The following LRBA variants were observed in gnomAD, a reference collection of about 807,000 sequenced individuals.
LRBA encodes LPS responsive beige-like anchor protein.
LRBA carries 176 observed loss-of-function variants against 330.0 expected under a neutral mutation model. That is an observed-to-expected ratio of 0.53 (90% CI 0.47 to 0.60). The LOEUF is 0.60. LRBA is among the 20% of genes least tolerant of loss of function. LRBA has a pLI of 0.00. For missense variants in LRBA, 3,259 were observed against 3,444.8 expected, an observed-to-expected ratio of 0.95 and a Z score of 1.35; for synonymous variants, 1,230 against 1,193.0, an observed-to-expected ratio of 1.03 and a Z score of -0.64.
intron 36 of LRBA, among the ~76,000 whole-genome samples, chr4:150,709,434 T>C (rs1439718091): frequency 1.3e-5 from 2 of 151,922 alleles, no homozygotes; most frequent in South Asian, 2.1e-4. Context: ...TTGCAGTAAT[T>C]TGAGACGCTA....
Position 150,583,142 on chromosome 4 carries a change from T to C in LRBA, c.6330+4906A>G. On this transcript the variant is annotated intron_variant, in intron 40 of 56. Transcript: ENST00000651943. The surrounding 1 kb of genome is among the most constrained non-coding windows in gnomAD (Gnocchi z 9.8). The stretch of plus-strand genomic sequence containing the variant: ...ACCATCCGAGAGGTCTGTAAGGTGG[T>C]CTCGGACGTGCTCAAGGAAGTGGAG... 1 of 1,614,166 alleles carries C rather than the reference T, an allele frequency of 6.2e-7. No homozygotes were observed. The highest frequency in any genetic ancestry group is 2.2e-5 in the East Asian group (1 of 44,870).
chr4:150,959,111 G>T (rs1241348555), intron 2 of LRBA, among the ~76,000 whole-genome samples: 1 of 149,368 alleles, frequency 6.7e-6, no homozygotes, highest in Admixed American at 6.6e-5. Context: ...ATTTACAAAG[G>T]CAAGAGGATT....
At chr4:150,496,814 C>G (rs1248304703) in intron 40 of LRBA, among the ~76,000 whole-genome samples, 1 of 151,896 alleles carries the variant, frequency 6.6e-6, no homozygotes, top group Non-Finnish European at 1.5e-5. Flanking sequence ...ACAACAGAAC[C>G]ATCTCCAAAC....
At chr4:150,429,084 T>C (rs1038211473) in intron 46 of LRBA, among the ~76,000 whole-genome samples, 3 of 152,008 alleles carry the variant, frequency 2.0e-5, no homozygotes, top group African/African-American at 7.2e-5. Flanking sequence ...GGATATGACA[T>C]AATAAACAAA....
At chr4:150,846,593 C>T (rs1157707198) in intron 26 of LRBA, among the ~76,000 whole-genome samples, 3 of 151,428 alleles carry the variant, frequency 2.0e-5, no homozygotes, top group Admixed American at 1.3e-4. Context: ...TGAGGGGGGT[C>T]TGATGATGAG....
chr4:150,295,984 G>A (rs1191160524), intron 53 of LRBA, among the ~76,000 whole-genome samples: 1 of 152,096 alleles, frequency 6.6e-6, no homozygotes, highest in Non-Finnish European at 1.5e-5. Flanking sequence ...CATAAACATG[G>A]TAAAATTCTA....
intron 56 of LRBA, among the ~76,000 whole-genome samples, chr4:150,266,487 T>TA (rs1745356141): frequency 6.6e-6 from 1 of 151,710 alleles, no homozygotes; most frequent in Non-Finnish European, 1.5e-5. Flanking sequence ...AGAACATAGG[T>TA]GAACCTAAAC....
At chr4:150,716,049 CGTGTGGTGGTTAAGATTTAAGAA>C (rs1728160821) in intron 36 of LRBA, among the ~76,000 whole-genome samples, 1 of 152,102 alleles carries the variant, frequency 6.6e-6, no homozygotes, top group South Asian at 2.1e-4. Context: ...AAACAAACAT[CGTGTGGTGGTTAAGATTTAAGAA>C]GTGGAACCAG....
At chr4:150,595,222 T>C (rs1773355366) in intron 38 of LRBA, among the ~76,000 whole-genome samples, 1 of 60,636 alleles carries the variant, frequency 1.6e-5, no homozygotes, top group Non-Finnish European at 9.0e-5. Flanking sequence ...TCAAGAAAAC[T>C]GACTCTGTAA....
intron 34 of LRBA, among the ~76,000 whole-genome samples, chr4:150,787,189 C>CA (rs1239059409): frequency 6.7e-6 from 1 of 150,126 alleles, no homozygotes; most frequent in African/African-American, 2.5e-5. Flanking sequence ...CACTGCACTC[C>CA]AGCGTGGGTG....
At chr4:150,282,990 G>T (rs961505899) in intron 54 of LRBA, among the ~76,000 whole-genome samples, 9 of 152,142 alleles carry the variant, frequency 5.9e-5, no homozygotes, top group Non-Finnish European at 1.0e-4. Flanking sequence ...ACAGCTTCAA[G>T]GAGGCTGGGA....
At chr4:150,660,505 C>A (rs1247762037) in intron 37 of LRBA, among the ~76,000 whole-genome samples, 1 of 151,564 alleles carries the variant, frequency 6.6e-6, no homozygotes, top group African/African-American at 2.4e-5. Context: ...CCCCGCCCGG[C>A]CAGCCGCCCT....
At chr4:150,968,303 G>A (rs755897195) in intron 2 of LRBA, among the ~76,000 whole-genome samples, 19 of 152,068 alleles carry the variant, frequency 1.2e-4, no homozygotes, top group Non-Finnish European at 2.6e-4. Flanking sequence ...GTGCCCGGCC[G>A]CACATCTCTC....
intron 31 of LRBA, among the ~76,000 whole-genome samples, chr4:150,815,428 T>C (rs1358732468): frequency 1.3e-5 from 2 of 151,786 alleles, no homozygotes; most frequent in African/African-American, 4.8e-5. Flanking sequence ...ATGCCCATTT[T>C]CCTTTGTAAT....
chr4:150,626,925 G>C (rs1301684038), intron 37 of LRBA, among the ~76,000 whole-genome samples: 1 of 151,898 alleles, frequency 6.6e-6, no homozygotes, highest in African/African-American at 2.4e-5. Context: ...TTTTAAAACA[G>C]TAACTCACTT....
intron 42 of LRBA, among the ~76,000 whole-genome samples, chr4:150,476,575 G>A (rs1581425767): frequency 2.0e-5 from 3 of 152,248 alleles, no homozygotes; most frequent in Admixed American, 2.0e-4. Flanking sequence ...TCCCTTCTCT[G>A]TACCTCTCTA....
At position 150,705,435 on chromosome 4, in the gene LRBA, A is replaced by T. The variant is rs531592039; in HGVS notation, c.5755-21718T>A. Among the ~76,000 whole-genome samples the T allele has an allele frequency of 2.0e-5, 3 of 152,144 alleles. No individual in the cohort carries two copies. The South Asian group carries it at 6.2e-4, about 32-fold the overall frequency. On this transcript the variant is annotated intron_variant, in intron 36 of 56. Coordinates refer to ENST00000651943, the MANE Select transcript of LRBA (RefSeq NM_001364905.1). ...TTTAAAAGAGGGTAATTCCAATGCT[A>T]CCCACCCTGTCTCTGGGCATGAAAA...
intron 2 of LRBA, among the ~76,000 whole-genome samples, chr4:150,933,094 A>C (rs1734689135): frequency 6.6e-6 from 1 of 152,068 alleles, no homozygotes. Context: ...TTACAAGATA[A>C]AGGTTAATGA....
chr4:150,404,516 C>T (rs1479479079), intron 47 of LRBA, among the ~76,000 whole-genome samples: 2 of 152,112 alleles, frequency 1.3e-5, no homozygotes, highest in African/African-American at 2.4e-5. Flanking sequence ...ATGTGGCAGG[C>T]ACTGTGGTAA....
Sources: allele counts gnomAD v4.1 joint callset (sites outside exome capture counted in the v4.1 genomes callset), GRCh38; gene constraint gnomAD v4.1.1; non-coding constraint Gnocchi (gnomAD v3.1); transcripts MANE v1.5; gene names NCBI Gene and HGNC (gene_info 2026-07-23, HGNC 2026-07-21).